The following NRG3 variants were observed in gnomAD, a reference collection of about 807,000 sequenced individuals.
The protein encoded by NRG3 is pro-neuregulin-3, membrane-bound isoform.
A neutral mutation model predicts 66.9 loss-of-function variants in NRG3; 31 were observed. The ratio of observed to expected loss-of-function variants is 0.46; its 90% CI spans 0.35 to 0.63. The LOEUF is 0.63. NRG3 is among the 20% of genes least tolerant of loss of function. The pLI is 0.00. For synonymous variants in NRG3, 393 were observed against 359.4 expected (o/e 1.09, Z -1.06); for missense variants, 910 against 878.9 (o/e 1.04, Z -0.45).
chr10:82,743,018 A>G (rs941751002), intron 3 of NRG3, among the ~76,000 whole-genome samples: 1 of 152,116 alleles, frequency 6.6e-6, no homozygotes, highest in African/African-American at 2.4e-5. Flanking sequence ...AACAGAATCA[A>G]AGAATGCAGT....
At chr10:82,195,638 G>T (rs534084893) in intron 1 of NRG3, among the ~76,000 whole-genome samples, 60 of 152,296 alleles carry the variant, frequency 3.9e-4, no homozygotes, top group African/African-American at 1.4e-3. Flanking sequence ...CCAACCCCCA[G>T]AACATGTGAA....
intron 2 of NRG3, among the ~76,000 whole-genome samples, chr10:82,704,044 G>C (rs1565220129): frequency 6.6e-6 from 1 of 151,634 alleles, no homozygotes; most frequent in East Asian, 1.9e-4. Flanking sequence ...TCTTACCTTT[G>C]CATAATTGAC....
rs530107330 is a variant in NRG3, at chr10:82,470,215, A to G, written c.953+111347A>G. On this transcript the variant is annotated intron_variant, in intron 2 of 8. Transcript: ENST00000372141. The stretch of plus-strand genomic sequence containing the variant: ...CTCTATTTATTGGGATTAATTGATC[A>G]TTAATATTTGCAGTAAAGATATCTT... Among the ~76,000 whole-genome samples the G allele has an allele frequency of 3.8e-3, 575 of 152,332 alleles. 6 individuals carry two copies. The highest frequency in any genetic ancestry group is 0.014 in the African/African-American group (562 of 41,594).
chr10:81,906,744 C>G (rs558552133), intron 1 of NRG3, among the ~76,000 whole-genome samples: 1 of 151,910 alleles, frequency 6.6e-6, no homozygotes, highest in Non-Finnish European at 1.5e-5. Context: ...AGAAAATAGA[C>G]GAGATGGAGG....
chr10:82,350,943 G>T (rs2083397103), intron 1 of NRG3, among the ~76,000 whole-genome samples: 1 of 151,554 alleles, frequency 6.6e-6, no homozygotes, highest in Non-Finnish European at 1.5e-5. Flanking sequence ...CCAGGCTGGA[G>T]TGCTGTGGCG....
At chr10:82,379,918 A>G (rs2085499752) in intron 2 of NRG3, among the ~76,000 whole-genome samples, 1 of 150,132 alleles carries the variant, frequency 6.7e-6, no homozygotes, top group Non-Finnish European at 1.5e-5. Context: ...TCCAAAAAAA[A>G]AAAAAAAGAA....
At chr10:81,908,545 T>C (rs1480977268) in intron 1 of NRG3, among the ~76,000 whole-genome samples, 1 of 152,210 alleles carries the variant, frequency 6.6e-6, no homozygotes, top group Admixed American at 6.5e-5. Flanking sequence ...ACTGGCTTTG[T>C]ACAAGTTATT....
intron 2 of NRG3, among the ~76,000 whole-genome samples, chr10:82,590,796 AC>A (rs2046941047): frequency 6.6e-6 from 1 of 152,184 alleles, no homozygotes; most frequent in Admixed American, 6.5e-5. Flanking sequence ...GCAGTTTGGA[AC>A]CAAAGATTTC....
chr10:82,826,573 C>T (rs2062220837), intron 3 of NRG3, among the ~76,000 whole-genome samples: 1 of 152,302 alleles, frequency 6.6e-6, no homozygotes, highest in East Asian at 1.9e-4. Flanking sequence ...GGGAATACTA[C>T]ACAGCCATTA....
At chr10:82,416,484 AAGAGAGGAGGAG>A (rs1185811262) in intron 2 of NRG3, among the ~76,000 whole-genome samples, 1 of 152,272 alleles carries the variant, frequency 6.6e-6, no homozygotes, top group African/African-American at 2.4e-5. Context: ...ATAGAATGAA[AAGAGAGGAGGAG>A]AGAGTTAAGG....
At chr10:82,787,572 C>T (rs892111566) in intron 3 of NRG3, among the ~76,000 whole-genome samples, 3 of 152,090 alleles carry the variant, frequency 2.0e-5, no homozygotes, top group Non-Finnish European at 4.4e-5. Flanking sequence ...AGATATACCA[C>T]CTGTTAAAAT....
rs569439965 is a variant in NRG3 at position 82,034,108 on chromosome 10, C to A, written c.823+157945C>A. Among the ~76,000 whole-genome samples, 3 of 152,198 alleles carry A rather than the reference C, an allele frequency of 2.0e-5. No homozygotes were observed. In the South Asian group the frequency reaches 6.2e-4, roughly 32 times the overall value. On this transcript the variant is annotated intron_variant, in intron 1 of 8. Transcript: ENST00000372141. ...AAGAGCTAGTTCCTTCTCTTTACTT[C>A]CTTCCTGTAATCTTTGCAGGTTCTT...
intron 1 of NRG3, among the ~76,000 whole-genome samples, chr10:81,962,322 AG>A (rs1850442219): frequency 6.6e-6 from 1 of 152,198 alleles, no homozygotes; most frequent in Non-Finnish European, 1.5e-5. Context: ...CAACACATTT[AG>A]GGTTGTAATT....
intron 1 of NRG3, among the ~76,000 whole-genome samples, chr10:82,076,445 G>T (rs756529462): frequency 2.3e-4 from 35 of 152,190 alleles, no homozygotes; most frequent in Non-Finnish European, 4.6e-4. Flanking sequence ...AAGAGCATTT[G>T]TAGGATGACT....
In NRG3 at chr10:81,997,238, C is replaced by T. The variant is rs151160890; in HGVS notation, c.823+121075C>T. ...ATATGGTGCCTCTCTAACACTGTAT[C>T]GCAGTTGACAGTTTGTGTGTGCTTT... is the stretch of plus-strand genomic sequence containing the variant. On this transcript the variant is annotated intron_variant, in intron 1 of 8. Transcript: ENST00000372141. 1.4e-4 allele frequency among the ~76,000 whole-genome samples: 21 copies of T among 152,290 alleles called. No individual in the cohort carries two copies. In the East Asian group the frequency reaches 2.1e-3, roughly 15 times the overall value.
chr10:82,760,083 A>G (rs1392658513), intron 3 of NRG3, among the ~76,000 whole-genome samples: 1 of 152,174 alleles, frequency 6.6e-6, no homozygotes, highest in Non-Finnish European at 1.5e-5. Flanking sequence ...TGCAGAAAAA[A>G]GAAAGCCAGC....
intron 1 of NRG3, among the ~76,000 whole-genome samples, chr10:82,292,876 A>T (rs1350237509): frequency 6.6e-6 from 1 of 152,170 alleles, no homozygotes; most frequent in Non-Finnish European, 1.5e-5. Flanking sequence ...AGCTTATAAG[A>T]GGGATCCTTA....
At chr10:82,582,128 T>C (rs540449987) in intron 2 of NRG3, among the ~76,000 whole-genome samples, 13 of 152,108 alleles carry the variant, frequency 8.5e-5, no homozygotes, top group African/African-American at 3.1e-4. Flanking sequence ...TGTTTGAATA[T>C]TTATACTCGT....
At chr10:82,172,278 A>G (rs1049208925) in intron 1 of NRG3, among the ~76,000 whole-genome samples, 1 of 152,152 alleles carries the variant, frequency 6.6e-6, no homozygotes, top group Non-Finnish European at 1.5e-5. Context: ...AGTCAAGTCT[A>G]CTGAAGTGGC....
Sources: allele counts gnomAD v4.1 joint callset (sites outside exome capture counted in the v4.1 genomes callset), GRCh38; gene constraint gnomAD v4.1.1; transcripts MANE v1.5; gene names NCBI Gene and HGNC (gene_info 2026-07-23, HGNC 2026-07-21).